The following ALS2 variants were observed in gnomAD, a reference collection of about 807,000 sequenced individuals.
ALS2 encodes the protein alsin Rho guanine nucleotide exchange factor ALS2, also known as alsin.
Under a neutral mutation model 203.4 loss-of-function variants are expected in ALS2, and 117 were observed. That is an observed-to-expected ratio of 0.58 (90% CI 0.50 to 0.67). ALS2 has a LOEUF of 0.67. Among genes scored for constraint, ALS2 ranks in the 30% least tolerant of loss-of-function variants. The pLI is 0.00. For missense variants in ALS2, 1,715 were observed against 1,989.4 expected, an observed-to-expected ratio of 0.86 and a Z score of 2.62; for synonymous variants, 718 against 725.9, an observed-to-expected ratio of 0.99 and a Z score of 0.17.
intron 5 of ALS2, among the ~76,000 whole-genome samples, 159 bp from the exon 6 acceptor site, chr2:201,754,830 A>C (rs1473753614): frequency 6.6e-6 from 1 of 152,214 alleles, no homozygotes. Flanking sequence ...CTGTTAGTCA[A>C]ATGAAATTGG....
At chr2:201,762,220 C>CACT (rs1184227804) in intron 3 of ALS2, among the ~76,000 whole-genome samples, 1 of 152,164 alleles carries the variant, frequency 6.6e-6, no homozygotes, top group Non-Finnish European at 1.5e-5. Context: ...CAGACACATT[C>CACT]ACTAATATCT....
intron 27 of ALS2, 92 bp downstream of exon 27, chr2:201,709,789 C>A: frequency 1.3e-6 from 2 of 1,509,720 alleles, no homozygotes; most frequent in Non-Finnish European, 1.8e-6. Flanking sequence ...TGGCATAAAA[C>A]TATTTTCTTG....
At chr2:201,739,587 A>G (rs1692131571) in intron 11 of ALS2, among the ~76,000 whole-genome samples, 1 of 151,858 alleles carries the variant, frequency 6.6e-6, no homozygotes, top group South Asian at 2.1e-4. Context: ...TACTAAAACT[A>G]TAAAAATTAG....
chr2:201,744,468 T>C (rs1286793508), intron 9 of ALS2, 39 bp from the exon 10 acceptor site: 1 of 1,567,014 alleles, frequency 6.4e-7, no homozygotes. Context: ...ATATAACATA[T>C]AATTATGTTA....
intron 4 of ALS2, among the ~76,000 whole-genome samples, chr2:201,758,207 G>GA (rs1165220496): frequency 2.6e-5 from 4 of 151,594 alleles, no homozygotes; most frequent in African/African-American, 4.9e-5. Context: ...GAAGTGGCAG[G>GA]AAAAAAATTA....
chr2:201,739,232 T>TCC (rs35291673), intron 11 of ALS2, among the ~76,000 whole-genome samples: 4 of 48,140 alleles, frequency 8.3e-5, no homozygotes, highest in Non-Finnish European at 7.4e-5. Flanking sequence ...TACGACTGTC[T>TCC]CCCAAAAAAA....
At chr2:201,756,427 G>T (rs1023399985) in intron 5 of ALS2, among the ~76,000 whole-genome samples, 10 of 152,054 alleles carry the variant, frequency 6.6e-5, no homozygotes, top group African/African-American at 2.4e-4. Flanking sequence ...AACAAGGGGA[G>T]AAACAGGTGC....
At chr2:201,768,248 ACATCTGATGATTTCGG>A (rs1443285664) in intron 2 of ALS2, among the ~76,000 whole-genome samples, 4 of 152,222 alleles carry the variant, frequency 2.6e-5, no homozygotes, top group African/African-American at 9.6e-5. Context: ...AGAATTCTAC[ACATCTGATGATTTCGG>A]TTTAAAGAAT....
chr2:201,744,570 G>A, intron 9 of ALS2, 141 bp from the exon 10 acceptor site: 1 of 909,880 alleles, frequency 1.1e-6, no homozygotes, highest in Non-Finnish European at 1.7e-6. Context: ...TTAAACCATT[G>A]GCAGCTTGAA....
At position 201,704,479 on chromosome 2, in the gene ALS2, A is replaced by G. The variant is rs1222294169; in HGVS notation, c.4813T>C (p.Phe1605Leu). The change falls in exon 32 of 34, where the codon TTC (phenylalanine) becomes CTC (leucine). Residue 1605 changes from phenylalanine (F) to leucine (L), a missense_variant. Physicochemically the swap from Phe to Leu is conservative, Grantham distance 22 (BLOSUM62 0). Coordinates refer to ENST00000264276, the MANE Select transcript of ALS2 (RefSeq NM_020919.4). Reference sequence around the variant, plus strand: ...CTGGCCCGTAGCACCACATATAAGAAAACAGGAAACAAGTCATCCATGGAC... The same window carrying G: ...CTGGCCCGTAGCACCACATATAAGAGAACAGGAAACAAGTCATCCATGGAC... ...LWSMDDLFPV[F>L]LYVVLRARIR... is the part of the protein sequence containing the mutation. 6.2e-7 allele frequency: 1 copy of G among 1,614,016 alleles called. No homozygotes were observed. Among genetic ancestry groups the G allele is most frequent in the Non-Finnish European group, 8.5e-7 (1 of 1,180,024 alleles).
At chr2:201,715,327 C>T (rs1264939120) in intron 25 of ALS2, among the ~76,000 whole-genome samples, 1 of 152,190 alleles carries the variant, frequency 6.6e-6, no homozygotes, top group East Asian at 1.9e-4. Context: ...ACAGTACTTG[C>T]TTTCACGTTT....
At chr2:201,757,920 T>C (rs895659202) in intron 4 of ALS2, among the ~76,000 whole-genome samples, 161 bp from the exon 5 acceptor site, 2 of 152,258 alleles carry the variant, frequency 1.3e-5, no homozygotes, top group Admixed American at 6.5e-5. Flanking sequence ...TTCTTGATCA[T>C]GGAGTTAACA....
Position 201,725,472 on chromosome 2 carries a change from A to G in ALS2, c.3249-18T>C. On this transcript the variant is annotated intron_variant, in intron 19 of 33. Coordinates refer to ENST00000264276, the MANE Select transcript of ALS2 (RefSeq NM_020919.4). ...CTCCATACCTGCCATGAAAAAGAAA[A>G]AATAACAAAAGAAGATGCATTTATG... 3 of 1,589,816 alleles carry G rather than the reference A, an allele frequency of 1.9e-6. No homozygotes were observed. The highest frequency in any genetic ancestry group is 2.6e-6 in the Non-Finnish European group (3 of 1,158,192).
intron 11 of ALS2, chr2:201,741,421 G>A: frequency 2.4e-6 from 1 of 418,734 alleles, no homozygotes; most frequent in Non-Finnish European, 4.4e-6. Context: ...TACATTTAAT[G>A]TAAATTATGC....
rs1038752763 is a variant in ALS2 at position 201,761,333 on chromosome 2, G to A, written c.661C>T (p.Pro221Ser). The change falls in exon 4 of 34, where the codon CCT becomes TCT. Residue 221 changes from proline to serine, a missense_variant. By Grantham distance (74) the Pro-to-Ser change is moderately conservative (BLOSUM62 -1). Transcript: ENST00000264276. ...GGGACTGGCTTCAGATCCTGGGAAG[G>A]GAGGCATTGTACAAGGGCTAAGCTG... ...FHSLALVQCL[P>S]SQDLKPVPER... 3.7e-6 allele frequency: 6 copies of A among 1,613,998 alleles called. No individual in the cohort carries two copies. In the African/African-American group the frequency reaches 4.0e-5, roughly 11 times the overall value.
At position 201,757,728 on chromosome 2, in the gene ALS2, T is replaced by C. The variant is rs2106080727; in HGVS notation, c.1145A>G (p.His382Arg). 6.2e-7 allele frequency: 1 copy of C among 1,612,290 alleles called. No individual in the cohort carries two copies. Among genetic ancestry groups the C allele is most frequent in the Non-Finnish European group, 8.5e-7 (1 of 1,179,970 alleles). The change falls in exon 5 of 34, where the codon CAC (histidine) becomes CGC (arginine). Residue 382 changes from histidine to arginine, a missense_variant. Transcript: ENST00000264276. ...TGAGGTGCTTGTGGTAGGCGGGCTG[T>C]GGAGATTAGGAATTGCTTCTTCTAA... ...PLLEEAIPNL[H>R]SPPTTSTSAL...
In ALS2 at chr2:201,723,182, C is replaced by G. The variant is rs568322122; in HGVS notation, c.3625-62G>C. 1.3e-5 allele frequency: 18 copies of G among 1,434,920 alleles called. 1 individual carries two copies. Among genetic ancestry groups the G allele is most frequent in the Non-Finnish European group, 1.8e-5 (18 of 1,017,178 alleles). 88.9% of individuals were successfully genotyped at this position (1,434,920 alleles called of 1,614,324 possible). ...AAATACAGAGTAACTTAAGAGTGCA[C>G]GCAGTCATATCCCCAAAGCCTTATG... On this transcript the variant is annotated intron_variant, in intron 22 of 33. Transcript: ENST00000264276.
rs10200479 is a variant in ALS2 at position 201,711,219 on chromosome 2, C to T, written c.4005-111G>A. The T allele has an allele frequency of 0.19, 140,287 of 747,436 alleles. 15,907 individuals carry two copies. The highest frequency in any genetic ancestry group is 0.39 in the East Asian group (15,572 of 39,438). The allele number at this position is 747,436 out of a possible 1,614,324, so 46.3% of individuals were successfully genotyped here. A position where few individuals can be genotyped will look rare whatever the true frequency, so the allele number is the denominator to read the frequency against. The stretch of plus-strand genomic sequence containing the variant: ...GCTCCAGTCAAAGTGGAGCATCCAA[C>T]GTAGTACTAAACCCAACGAACTCAG... On this transcript the variant is annotated intron_variant, in intron 25 of 33. Coordinates refer to ENST00000264276, the MANE Select transcript of ALS2 (RefSeq NM_020919.4).
intron 4 of ALS2, chr2:201,760,674 T>C (rs1442266824): frequency 7.3e-7 from 1 of 1,370,880 alleles, no homozygotes; most frequent in East Asian, 2.7e-5. Context: ...CCTTTCAATA[T>C]CATAAAGGGC....
Sources: gnomAD v4.1 joint callset for allele counts (sites outside exome capture counted in the v4.1 genomes callset) on GRCh38, gnomAD v4.1.1 for gene constraint, MANE v1.5 for transcripts, NCBI Gene and HGNC (gene_info 2026-07-23, HGNC 2026-07-21) for gene names.